Variants in SMIM14 observed in about 807,000 individuals in gnomAD.
SMIM14 encodes chromosome 4 open reading frame 34.
In SMIM14, 5 loss-of-function variants were observed where a neutral mutation model predicts 12.6. That is an observed-to-expected ratio of 0.40 (90% CI 0.21 to 0.83). The LOEUF (loss-of-function observed/expected upper bound fraction) is 0.83, where lower values mean the gene tolerates loss of function less well. Ranked by LOEUF, SMIM14 falls within the 40% of genes least tolerant of loss-of-function variation. The pLI is 0.37. For synonymous variants in SMIM14, 30 were observed against 40.1 expected (o/e 0.75, Z 0.95); for missense variants, 86 against 119.1 (o/e 0.72, Z 1.29).
chr4:39,606,033 C>G (rs551896579), intron 1 of SMIM14, among the ~76,000 whole-genome samples: 1 of 152,110 alleles, frequency 6.6e-6, no homozygotes, highest in Admixed American at 6.5e-5. Flanking sequence ...CCACCGTGCC[C>G]GGCCAGAAAC....
At chr4:39,593,891 T>A (rs1714230158) in intron 2 of SMIM14, 1 of 152,016 alleles carries the variant, frequency 6.6e-6, no homozygotes, top group Admixed American at 6.6e-5. Flanking sequence ...CACTGCTCAA[T>A]GAAATAAAAG....
chr4:39,569,536 C>T (rs1712772140), intron 3 of SMIM14, among the ~76,000 whole-genome samples: 1 of 151,966 alleles, frequency 6.6e-6, no homozygotes, highest in African/African-American at 2.4e-5. Context: ...GTGAAGAAAA[C>T]CAGAACGTAT....
chr4:39,596,915 A>G (rs1218620857), intron 2 of SMIM14, among the ~76,000 whole-genome samples: 1 of 152,008 alleles, frequency 6.6e-6, no homozygotes, highest in African/African-American at 2.4e-5. Flanking sequence ...AGCTGTGACT[A>G]TAGGTATGTG....
At chr4:39,553,600 T>G (rs1336313098) in intron 4 of SMIM14, among the ~76,000 whole-genome samples, 2 of 151,802 alleles carry the variant, frequency 1.3e-5, no homozygotes, top group Non-Finnish European at 2.9e-5. Flanking sequence ...TGCCGGTTTT[T>G]TTTTTTTTTT....
chr4:39,609,763 C>T (rs1282462393), intron 1 of SMIM14, among the ~76,000 whole-genome samples: 3 of 152,114 alleles, frequency 2.0e-5, no homozygotes, highest in Admixed American at 1.3e-4. Context: ...AAAAGACCAC[C>T]TCAGCTGCAC....
intron 2 of SMIM14, among the ~76,000 whole-genome samples, chr4:39,604,853 C>T (rs746217123): frequency 6.6e-6 from 1 of 152,056 alleles, no homozygotes; most frequent in Non-Finnish European, 1.5e-5. Context: ...TCAAGTGATC[C>T]GCCCACCTTG....
In SMIM14 at chr4:39,628,040, G is replaced by A. The variant is rs568309025; in HGVS notation, c.-36+10699C>T. Among the ~76,000 whole-genome samples the A allele has an allele frequency of 2.6e-5, 4 of 152,324 alleles. No homozygotes were observed. In the East Asian group the frequency reaches 7.7e-4, roughly 29 times the overall value. On this transcript the variant is annotated intron_variant, in intron 1 of 4. Coordinates refer to ENST00000295958, the MANE Select transcript of SMIM14 (RefSeq NM_174921.3). ...TCCTAAAAAAAAGGCTAGGCGTGGGGGCTCACGCCTATAATCCCAGCACTT... is the reference window on the plus strand; with the variant it reads ...TCCTAAAAAAAAGGCTAGGCGTGGGAGCTCACGCCTATAATCCCAGCACTT...
chr4:39,632,809 AC>A (rs1457453969), intron 1 of SMIM14, among the ~76,000 whole-genome samples: 1 of 151,266 alleles, frequency 6.6e-6, no homozygotes, highest in African/African-American at 2.4e-5. Context: ...ACACACACAC[AC>A]ACACACACAC....
chr4:39,634,157 G>C (rs534779258), intron 1 of SMIM14, among the ~76,000 whole-genome samples: 151 of 152,264 alleles, frequency 9.9e-4, no homozygotes, highest in Non-Finnish European at 1.6e-3. Context: ...TCAATCTCTC[G>C]ACCTCGTGAT....
chr4:39,553,130 G>C (rs1009938218), intron 4 of SMIM14, among the ~76,000 whole-genome samples: 1 of 149,412 alleles, frequency 6.7e-6, no homozygotes, highest in Non-Finnish European at 1.5e-5. Context: ...GTGAGATCTC[G>C]GCTCACTGCA....
chr4:39,627,423 CA>C (rs2109253468), intron 1 of SMIM14, among the ~76,000 whole-genome samples: 1 of 152,244 alleles, frequency 6.6e-6, no homozygotes, highest in Non-Finnish European at 1.5e-5. Context: ...CATCCTTAGA[CA>C]AAAAACTTAA....
chr4:39,621,448 C>T (rs1458826312), intron 1 of SMIM14, among the ~76,000 whole-genome samples: 2 of 152,096 alleles, frequency 1.3e-5, no homozygotes, highest in African/African-American at 4.8e-5. Flanking sequence ...TTTGAAATTA[C>T]AAACTATGAT....
chr4:39,609,795 A>G (rs1172348142), intron 1 of SMIM14, among the ~76,000 whole-genome samples: 1 of 152,184 alleles, frequency 6.6e-6, no homozygotes, highest in Non-Finnish European at 1.5e-5. Flanking sequence ...GAGAAAAGGG[A>G]AGCCACAGTA....
intron 2 of SMIM14, among the ~76,000 whole-genome samples, chr4:39,598,580 TAA>T (rs10609223): frequency 0.13 from 19,910 of 152,180 alleles, 1,832 homozygotes; most frequent in South Asian, 0.32. Context: ...GGTTGTATCA[TAA>T]AGTTGTTTAG....
chr4:39,583,038 C>T (rs1713599344), intron 2 of SMIM14, among the ~76,000 whole-genome samples: 2 of 152,144 alleles, frequency 1.3e-5, no homozygotes, highest in South Asian at 2.1e-4. Flanking sequence ...ATGTTCCACC[C>T]GCCTCAGCCT....
chr4:39,550,704 A>G lies in SMIM14; in HGVS notation c.*1422T>C, dbSNP rs1012701210. Reference sequence around the variant, plus strand: ...CATATTAACATTCCTTCCTACCCCAATCCATCCCATCACCAAACAGGAATG... The same window carrying G: ...CATATTAACATTCCTTCCTACCCCAGTCCATCCCATCACCAAACAGGAATG... On this transcript the variant is annotated 3_prime_UTR_variant, in exon 5 of 5. Transcript: ENST00000295958. 7 of 152,176 alleles carry G rather than the reference A, an allele frequency of 4.6e-5. No homozygotes were observed. The highest frequency in any genetic ancestry group is 1.4e-4 in the African/African-American group (6 of 41,436). 9.4% of individuals were successfully genotyped at this position (152,176 alleles called of 1,614,324 possible). A position where few individuals can be genotyped will look rare whatever the true frequency, so the allele number is the denominator to read the frequency against.
At chr4:39,618,279 A>G (rs1158986147) in intron 1 of SMIM14, among the ~76,000 whole-genome samples, 1 of 152,148 alleles carries the variant, frequency 6.6e-6, no homozygotes, top group East Asian at 1.9e-4. Context: ...TCATTTGAAC[A>G]CCTTGATACT....
rs1357062237 is a variant in SMIM14, at chr4:39,547,858, C to T, written c.*4268G>A. The T allele has an allele frequency of 1.3e-5, 2 of 151,808 alleles. No individual in the cohort carries two copies. The highest frequency in any genetic ancestry group is 1.9e-4 in the East Asian group (1 of 5,188). 9.4% of individuals were successfully genotyped at this position (151,808 alleles called of 1,614,324 possible). ...CACATTATGAAATATGACTTGCTGA[C>T]CATGGAACAGTGCTTGGATAGATAA... On this transcript the variant is annotated 3_prime_UTR_variant, in exon 5 of 5. Transcript: ENST00000295958.
intron 1 of SMIM14, among the ~76,000 whole-genome samples, chr4:39,627,933 T>C (rs1168674850): frequency 1.3e-5 from 2 of 152,184 alleles, no homozygotes; most frequent in Non-Finnish European, 2.9e-5. Flanking sequence ...AGTTTCATAA[T>C]TTGAAAACGT....
Sources: gnomAD v4.1 joint callset for allele counts (sites outside exome capture counted in the v4.1 genomes callset) on GRCh38, gnomAD v4.1.1 for gene constraint, MANE v1.5 for transcripts, NCBI Gene and HGNC (gene_info 2026-07-23, HGNC 2026-07-21) for gene names.